SV2C: variants seen among roughly 807,000 people sequenced by gnomAD.
SV2C encodes the protein synaptic vesicle glycoprotein 2C.
Under a neutral mutation model 79.7 loss-of-function variants are expected in SV2C, and 49 were observed. The observed-to-expected ratio is 0.61, with a 90% CI of 0.49 to 0.78. The LOEUF is 0.78. SV2C is among the 30% of genes least tolerant of loss of function. SV2C has a pLI of 0.00. For synonymous variants in SV2C, 334 were observed against 333.2 expected (o/e 1.00, Z -0.03); for missense variants, 833 against 912.9 (o/e 0.91, Z 1.13).
the SV2C span, among the ~76,000 whole-genome samples, chr5:75,875,630 C>T: frequency 3.3e-5 from 5 of 152,002 alleles, no homozygotes; most frequent in African/African-American, 9.7e-5. Context: ...AAACTATCAA[C>T]GGGGTAAACA....
chr5:76,138,454 C>T (rs573921158), intron 2 of SV2C, among the ~76,000 whole-genome samples: 2 of 152,186 alleles, frequency 1.3e-5, no homozygotes, highest in Non-Finnish European at 2.9e-5. Flanking sequence ...AGAGTAATCA[C>T]CTGTTGAACT....
At chr5:75,921,395 A>C in the SV2C span, 16 of 840,356 alleles carry the variant, frequency 1.9e-5, no homozygotes, top group South Asian at 1.9e-4. Flanking sequence ...CCCTGGGTCA[A>C]ACTGCGCTTG....
At chr5:76,177,736 T>G (rs1232708785) in intron 2 of SV2C, among the ~76,000 whole-genome samples, 1 of 152,120 alleles carries the variant, frequency 6.6e-6, no homozygotes, top group African/African-American at 2.4e-5. Flanking sequence ...TGTGTGACTT[T>G]GGAACTTGGA....
At chr5:76,064,929 T>G in the SV2C span, among the ~76,000 whole-genome samples, 1 of 152,220 alleles carries the variant, frequency 6.6e-6, no homozygotes, top group Non-Finnish European at 1.5e-5. Context: ...TTTTCCTGTC[T>G]TCCTTTTTCT....
the SV2C span, among the ~76,000 whole-genome samples, chr5:75,852,288 A>G: frequency 0.02 from 3,077 of 152,304 alleles, 90 homozygotes; most frequent in African/African-American, 0.067. Flanking sequence ...CGTTCTGCAC[A>G]TGTACCCCAG....
At chr5:75,953,916 T>A in the SV2C span, among the ~76,000 whole-genome samples, 2 of 152,002 alleles carry the variant, frequency 1.3e-5, no homozygotes, top group Non-Finnish European at 2.9e-5. Flanking sequence ...CCAAATGAAC[T>A]GTTTGCTTTT....
At chr5:75,864,662 T>TGGAGATACA in the SV2C span, among the ~76,000 whole-genome samples, 2 of 152,170 alleles carry the variant, frequency 1.3e-5, no homozygotes, top group African/African-American at 4.8e-5. Flanking sequence ...TACTTCTCCA[T>TGGAGATACA]GCATGGAGAT....
chr5:76,264,431 C>T lies in SV2C; in HGVS notation c.914-20731C>T, dbSNP rs1032389655. Among the ~76,000 whole-genome samples the T allele has an allele frequency of 3.9e-5, 6 of 152,216 alleles. No homozygotes were observed. The South Asian group carries it at 6.2e-4, about 16-fold the overall frequency. Reference sequence around the variant, plus strand: ...ATTACCCACCTTCTGAAGCCTACTTCTGTCAATTCATCAAACTCATTGTCT... The same window carrying T: ...ATTACCCACCTTCTGAAGCCTACTTTTGTCAATTCATCAAACTCATTGTCT... On this transcript the variant is annotated intron_variant, in intron 4 of 12. Coordinates refer to ENST00000502798, the MANE Select transcript of SV2C (RefSeq NM_014979.4).
the SV2C span, among the ~76,000 whole-genome samples, chr5:75,902,459 C>T: frequency 6.6e-6 from 1 of 152,170 alleles, no homozygotes; most frequent in Non-Finnish European, 1.5e-5. Context: ...AGCTGTCATC[C>T]CTTTCACCTC....
the SV2C span, among the ~76,000 whole-genome samples, chr5:75,999,621 G>C: frequency 6.7e-5 from 10 of 149,274 alleles, no homozygotes; most frequent in African/African-American, 2.5e-4. Context: ...TAATAAAATC[G>C]GTGGGTGGGG....
the SV2C span, among the ~76,000 whole-genome samples, chr5:76,034,655 A>G: frequency 2.6e-5 from 4 of 152,144 alleles, no homozygotes; most frequent in Admixed American, 6.5e-5. Flanking sequence ...GTTTGCCAGT[A>G]TTTTATTGAG....
Position 76,275,501 on chromosome 5 carries a change from C to T in SV2C, c.914-9661C>T, listed in dbSNP as rs113256442. On this transcript the variant is annotated intron_variant, in intron 4 of 12. Coordinates refer to ENST00000502798, the MANE Select transcript of SV2C (RefSeq NM_014979.4). ...AAGTCTGTCTCAAAAAAAAAAAAAA[C>T]GAACACAAACAAAAACAAAACAAAT... Among the ~76,000 whole-genome samples the T allele has an allele frequency of 6.0e-3, 867 of 145,230 alleles. 9 individuals are homozygous for T. The highest frequency in any genetic ancestry group is 0.021 in the African/African-American group (820 of 38,182).
intron 1 of SV2C, among the ~76,000 whole-genome samples, chr5:76,100,118 A>G (rs1298220951): frequency 2.6e-5 from 4 of 151,900 alleles, no homozygotes; most frequent in African/African-American, 7.3e-5. Flanking sequence ...TAGGAAAAGG[A>G]GGAGCTTTAG....
chr5:75,979,641 G>T, the SV2C span, among the ~76,000 whole-genome samples: 1 of 151,858 alleles, frequency 6.6e-6, no homozygotes, highest in Non-Finnish European at 1.5e-5. Flanking sequence ...GGTAAATAAT[G>T]AAATTAAGGC....
the SV2C span, chr5:75,911,410 C>T: frequency 3.7e-6 from 4 of 1,089,288 alleles, no homozygotes; most frequent in African/African-American, 1.6e-5. Flanking sequence ...GACGTCAGCA[C>T]CCCCTAGTAG....
At chr5:76,210,272 C>T (rs1214139237) in intron 4 of SV2C, among the ~76,000 whole-genome samples, 11 of 152,168 alleles carry the variant, frequency 7.2e-5, no homozygotes, top group African/African-American at 2.4e-4. Context: ...ATTAAGGGCT[C>T]AGTCCCACAA....
the SV2C span, among the ~76,000 whole-genome samples, chr5:75,955,483 G>C: frequency 3.3e-5 from 5 of 150,516 alleles, no homozygotes; most frequent in Admixed American, 3.3e-4. Context: ...ACATAGGCAT[G>C]GGCAAGGACT....
At chr5:75,982,524 ATTAGT>A in the SV2C span, among the ~76,000 whole-genome samples, 5 of 152,212 alleles carry the variant, frequency 3.3e-5, no homozygotes, top group Non-Finnish European at 5.9e-5. Flanking sequence ...GGGAGTGTAA[ATTAGT>A]TTAGCCATTG....
At chr5:76,296,032 T>C (rs1747746861) in intron 9 of SV2C, 90 bp downstream of exon 9, 1 of 1,255,062 alleles carries the variant, frequency 8.0e-7, no homozygotes, top group Admixed American at 2.6e-5. Context: ...GGCATAGTTT[T>C]TTGTTTGTTT....
Sources: gnomAD v4.1 joint callset for allele counts (sites outside exome capture counted in the v4.1 genomes callset) on GRCh38, gnomAD v4.1.1 for gene constraint, MANE v1.5 for transcripts, NCBI Gene and HGNC (gene_info 2026-07-23, HGNC 2026-07-21) for gene names.